ANK2: variants seen among roughly 807,000 people sequenced by gnomAD.
ANK2 encodes ankyrin 2.
Under a neutral mutation model 360.5 loss-of-function variants are expected in ANK2, and 83 were observed. The observed-to-expected ratio is 0.23, with a 90% CI of 0.19 to 0.28. ANK2 has a LOEUF of 0.28. ANK2 is among the 10% of genes least tolerant of loss of function. ANK2 has a pLI of 1.00. For synonymous variants in ANK2, 1,740 were observed against 1,759.5 expected, an observed-to-expected ratio of 0.99 and a Z score of 0.28; for missense variants, 4,201 against 4,795.7, an observed-to-expected ratio of 0.88 and a Z score of 3.66.
chr4:113,225,593 T>G (rs893805897), intron 4 of ANK2, among the ~76,000 whole-genome samples: 1 of 152,134 alleles, frequency 6.6e-6, no homozygotes, highest in Non-Finnish European at 1.5e-5. Context: ...ATAATGACAA[T>G]GCTTAGAGTT....
chr4:113,002,475 C>G (rs1273346374), intron 2 of ANK2, among the ~76,000 whole-genome samples: 1 of 151,734 alleles, frequency 6.6e-6, no homozygotes, highest in South Asian at 2.1e-4. Flanking sequence ...AAAAACCAAA[C>G]ACTGCATATT....
chr4:112,936,089 G>A (rs1377012177), intron 2 of ANK2, among the ~76,000 whole-genome samples: 1 of 152,222 alleles, frequency 6.6e-6, no homozygotes, highest in Non-Finnish European at 1.5e-5. Context: ...CAGTCTGTCA[G>A]TGGCCACTGT....
chr4:112,765,059 A>G, the ANK2 span, among the ~76,000 whole-genome samples: 6 of 152,168 alleles, frequency 3.9e-5, no homozygotes, highest in Non-Finnish European at 5.9e-5. Context: ...CTTCTCAACA[A>G]TGTATGAAGT....
At chr4:112,833,484 T>A (rs915914637) in intron 1 of ANK2, among the ~76,000 whole-genome samples, 2 of 151,508 alleles carry the variant, frequency 1.3e-5, no homozygotes, top group African/African-American at 4.8e-5. Flanking sequence ...ATATTTTTTC[T>A]TTTAATTTAT....
the ANK2 span, among the ~76,000 whole-genome samples, chr4:112,759,538 A>T: frequency 6.6e-6 from 1 of 152,164 alleles, no homozygotes; most frequent in African/African-American, 2.4e-5. Flanking sequence ...AAGTTGCATG[A>T]AAATAAGCAT....
At chr4:113,368,109 A>G (rs963536233) in intron 42 of ANK2, among the ~76,000 whole-genome samples, 1 of 152,210 alleles carries the variant, frequency 6.6e-6, no homozygotes, top group Admixed American at 6.5e-5. Flanking sequence ...TTGAATCTCC[A>G]TTTCCACATC....
At chr4:112,965,864 A>T (rs1240026798) in intron 2 of ANK2, among the ~76,000 whole-genome samples, 2 of 152,062 alleles carry the variant, frequency 1.3e-5, no homozygotes, top group African/African-American at 4.8e-5. Context: ...TGGTTATAGC[A>T]AACAATGTAA....
At chr4:112,845,188 C>T (rs1468938850) in intron 1 of ANK2, among the ~76,000 whole-genome samples, 1 of 152,098 alleles carries the variant, frequency 6.6e-6, no homozygotes, top group East Asian at 1.9e-4. Flanking sequence ...TATAAAAGTT[C>T]ACCAGCAAGT....
At chr4:112,914,786 G>A (rs530598964) in intron 2 of ANK2, among the ~76,000 whole-genome samples, 5 of 152,104 alleles carry the variant, frequency 3.3e-5, no homozygotes, top group African/African-American at 9.7e-5. Flanking sequence ...GGAAAGAGCC[G>A]ATCCTACCCC....
the ANK2 span, among the ~76,000 whole-genome samples, chr4:112,735,739 G>C: frequency 6.6e-6 from 1 of 152,126 alleles, no homozygotes; most frequent in Non-Finnish European, 1.5e-5. Context: ...TAAGTGTACA[G>C]TTCAGTAGTA....
chr4:113,024,735 T>G (rs898550321), intron 2 of ANK2, among the ~76,000 whole-genome samples: 4 of 152,194 alleles, frequency 2.6e-5, no homozygotes, highest in Non-Finnish European at 5.9e-5. Flanking sequence ...CAATGAATGC[T>G]ATATATGAAT....
At chr4:112,928,997 C>T (rs540701584) in intron 2 of ANK2, among the ~76,000 whole-genome samples, 11 of 151,982 alleles carry the variant, frequency 7.2e-5, no homozygotes, top group African/African-American at 1.2e-4. Flanking sequence ...GGACTACAGG[C>T]GTGCACCACC....
At chr4:112,797,532 T>G in the ANK2 span, 1 of 172,148 alleles carries the variant, frequency 5.8e-6, no homozygotes, top group African/African-American at 2.4e-5. Flanking sequence ...TGAGTTTTCC[T>G]TCACTATTTT....
chr4:113,141,455 G>A (rs1582861572), intron 1 of ANK2: 1 of 152,190 alleles, frequency 6.6e-6, no homozygotes, highest in Non-Finnish European at 1.5e-5. Context: ...TGTCATAGAA[G>A]TGAAAAACTT....
chr4:112,885,960 A>G (rs577480805), intron 1 of ANK2, among the ~76,000 whole-genome samples: 3 of 152,114 alleles, frequency 2.0e-5, no homozygotes, highest in Admixed American at 2.0e-4. Flanking sequence ...CTGTCTGGGA[A>G]CAGTTTTCTG....
chr4:113,110,137 T>TGGGGAGGCCTCACAATCATGG (rs2094132731), intron 1 of ANK2, among the ~76,000 whole-genome samples: 1 of 152,130 alleles, frequency 6.6e-6, no homozygotes, highest in South Asian at 2.1e-4. Context: ...TCCAAATAGC[T>TGGGGAGGCCTCACAATCATGG]GGGGAGGCCT....
chr4:113,298,314 A>G (rs1247828157), intron 22 of ANK2, among the ~76,000 whole-genome samples: 1 of 152,190 alleles, frequency 6.6e-6, no homozygotes, highest in African/African-American at 2.4e-5. Context: ...AGAAACAAAA[A>G]CAAGTTTAGC....
chr4:112,922,906 C>T (rs1426917977), intron 2 of ANK2, among the ~76,000 whole-genome samples: 1 of 152,056 alleles, frequency 6.6e-6, no homozygotes, highest in African/African-American at 2.4e-5. Context: ...TCCTCTGTTT[C>T]TATTATTATA....
At chr4:113,373,539 T>G in intron 45 of ANK2, 90 bp downstream of exon 45, 1 of 1,363,812 alleles carries the variant, frequency 7.3e-7, no homozygotes, top group South Asian at 1.2e-5. Context: ...ATTCATATTT[T>G]CCTCACTTCT....
Sources: gnomAD v4.1 joint callset for allele counts (sites outside exome capture counted in the v4.1 genomes callset) on GRCh38, gnomAD v4.1.1 for gene constraint, MANE v1.5 for transcripts, NCBI Gene and HGNC (gene_info 2026-07-23, HGNC 2026-07-21) for gene names.